The following NAV3 variants were observed in gnomAD, a reference collection of about 807,000 sequenced individuals.
The protein encoded by NAV3 is neuron navigator 3, also known as pore membrane and/or filament interacting like protein 1.
A neutral mutation model predicts 244.7 loss-of-function variants in NAV3; 87 were observed. That is an observed-to-expected ratio of 0.36 (90% CI 0.30 to 0.42). NAV3 has a LOEUF of 0.42. Ranked by LOEUF, NAV3 falls within the 20% of genes least tolerant of loss-of-function variation. The pLI is 1.00. For missense variants in NAV3, 2,663 were observed against 2,893.3 expected, an observed-to-expected ratio of 0.92 and a Z score of 1.83; for synonymous variants, 1,126 against 1,042.2, an observed-to-expected ratio of 1.08 and a Z score of -1.55.
At chr12:77,804,157 G>T (rs1307197722) in intron 2 of NAV3, among the ~76,000 whole-genome samples, 1 of 151,870 alleles carries the variant, frequency 6.6e-6, no homozygotes, top group African/African-American at 2.4e-5. Flanking sequence ...CTTTAATTGG[G>T]TCCCATTTGT....
At chr12:78,028,421 T>A (rs1016102491) in intron 9 of NAV3, among the ~76,000 whole-genome samples, 11 of 152,210 alleles carry the variant, frequency 7.2e-5, no homozygotes, top group Non-Finnish European at 1.5e-4. Context: ...TCATTGCCGA[T>A]GAAAAACTGA....
At chr12:77,825,984 C>T (rs189965970), upstream of NAV3, among the ~76,000 whole-genome samples, 7 of 152,172 alleles carry the variant, frequency 4.6e-5, no homozygotes, top group East Asian at 1.4e-3. Context: ...CAATGATACA[C>T]CCCTACTCCT....
chr12:77,598,506 G>A (rs1319465380), intron 2 of NAV3, among the ~76,000 whole-genome samples: 1 of 151,930 alleles, frequency 6.6e-6, no homozygotes, highest in Non-Finnish European at 1.5e-5. Flanking sequence ...TTGTAGTAGG[G>A]TCTGATTGTC....
chr12:77,937,856 G>A (rs994190088), intron 1 of NAV3, among the ~76,000 whole-genome samples: 1 of 152,168 alleles, frequency 6.6e-6, no homozygotes, highest in Admixed American at 6.5e-5. Context: ...GATAATAATA[G>A]CAAGCATGTT....
intron 12 of NAV3, among the ~76,000 whole-genome samples, chr12:78,066,834 G>GT (rs1885073576): frequency 6.6e-6 from 1 of 152,068 alleles, no homozygotes; most frequent in African/African-American, 2.4e-5. Flanking sequence ...AGATTGTCAT[G>GT]TTTTTATGTG....
chr12:77,903,211 G>C (rs1885527620), intron 1 of NAV3, among the ~76,000 whole-genome samples: 1 of 152,122 alleles, frequency 6.6e-6, no homozygotes, highest in Non-Finnish European at 1.5e-5. Flanking sequence ...AAAGAACAAA[G>C]CTGGAGGCAT....
At chr12:78,201,795 T>G (rs1959731856) in intron 38 of NAV3, among the ~76,000 whole-genome samples, 1 of 152,074 alleles carries the variant, frequency 6.6e-6, no homozygotes, top group Non-Finnish European at 1.5e-5. Flanking sequence ...AAGATATAGT[T>G]TATGTTTTCC....
At chr12:77,928,515 A>G (rs1014695320) in intron 1 of NAV3, among the ~76,000 whole-genome samples, 1 of 152,030 alleles carries the variant, frequency 6.6e-6, no homozygotes, top group African/African-American at 2.4e-5. Context: ...TCATTAACGA[A>G]AAACTTATGT....
intron 34 of NAV3, 77 bp from the exon 35 acceptor site, chr12:78,197,170 C>A: frequency 9.0e-7 from 1 of 1,117,168 alleles, no homozygotes; most frequent in Non-Finnish European, 1.2e-6. Flanking sequence ...ACAAAGAGTG[C>A]TATTCCTAAA....
intron 2 of NAV3, among the ~76,000 whole-genome samples, chr12:77,736,657 T>A (rs1877347688): frequency 6.6e-6 from 1 of 152,154 alleles, no homozygotes; most frequent in Non-Finnish European, 1.5e-5. Context: ...TAAAGTGAAG[T>A]GCAGATTCAT....
chr12:77,777,636 G>A (rs1870432897), intron 2 of NAV3, among the ~76,000 whole-genome samples: 1 of 152,134 alleles, frequency 6.6e-6, no homozygotes, highest in African/African-American at 2.4e-5. Context: ...CTGTCCCACA[G>A]AAACTGAAAC....
At chr12:78,111,140 G>T (rs1248260746) in intron 12 of NAV3, among the ~76,000 whole-genome samples, 6 of 152,008 alleles carry the variant, frequency 3.9e-5, no homozygotes, top group Admixed American at 3.3e-4. Context: ...TTAACAAAAT[G>T]TATTATACTC....
At chr12:77,783,965 G>A (rs1411820975) in intron 2 of NAV3, among the ~76,000 whole-genome samples, 1 of 152,100 alleles carries the variant, frequency 6.6e-6, no homozygotes, top group African/African-American at 2.4e-5. Flanking sequence ...CAGACTTTGG[G>A]ATCAAAGTAA....
At chr12:78,029,910 C>T (rs2136941213) in intron 9 of NAV3, among the ~76,000 whole-genome samples, 1 of 152,218 alleles carries the variant, frequency 6.6e-6, no homozygotes, top group Middle Eastern at 3.4e-3. Flanking sequence ...TGCCACAAAA[C>T]CACAGATTGT....
In NAV3 at chr12:77,806,877, T is replaced by C. The variant is rs538804877; in HGVS notation, c.73-133442T>C. On this transcript the variant is annotated intron_variant, in intron 2 of 8. Transcript: ENST00000550042. ...GTATTGGATGCATATATATTTAGGA[T>C]AGTTAGCTCTTCTTGTTGCATTGAT... Among the ~76,000 whole-genome samples, 87 of 152,340 alleles carry C rather than the reference T, an allele frequency of 5.7e-4. No individual in the cohort carries two copies. The Middle Eastern group carries it at 0.021, about 36-fold the overall frequency.
chr12:77,911,397 C>T (rs559424060), intron 1 of NAV3, among the ~76,000 whole-genome samples: 1 of 152,164 alleles, frequency 6.6e-6, no homozygotes, highest in Admixed American at 6.6e-5. Flanking sequence ...ATCCACCATG[C>T]CAGAAATGTT....
intron 9 of NAV3, among the ~76,000 whole-genome samples, chr12:78,034,564 C>T (rs1879532386): frequency 6.6e-6 from 1 of 152,094 alleles, no homozygotes; most frequent in Non-Finnish European, 1.5e-5. Context: ...ATAAATATTG[C>T]TTTTATTTAC....
chr12:78,168,890 T>A (rs758906465), intron 24 of NAV3, 24 bp downstream of exon 24: 1 of 1,499,416 alleles, frequency 6.7e-7, no homozygotes, highest in Non-Finnish European at 9.2e-7. Context: ...TCATTTCATT[T>A]CCACCCAATA....
chr12:78,041,791 T>A (rs1880903337), intron 9 of NAV3, among the ~76,000 whole-genome samples: 2 of 152,212 alleles, frequency 1.3e-5, no homozygotes, highest in Admixed American at 6.5e-5. Context: ...TTTTTAAAAA[T>A]CTGGCCTGAG....
Sources: gnomAD v4.1 joint callset for allele counts (sites outside exome capture counted in the v4.1 genomes callset) on GRCh38, gnomAD v4.1.1 for gene constraint, MANE v1.5 for transcripts, NCBI Gene and HGNC (gene_info 2026-07-23, HGNC 2026-07-21) for gene names.